The following TRIO variants were observed in gnomAD, a reference collection of about 807,000 sequenced individuals.
TRIO encodes the protein triple functional domain protein.
A neutral mutation model predicts 351.9 loss-of-function variants in TRIO; 58 were observed. That is an observed-to-expected ratio of 0.16 (90% CI 0.13 to 0.21). The LOEUF is 0.21. Ranked by LOEUF, TRIO falls within the 10% of genes least tolerant of loss-of-function variation. The pLI is 1.00. For missense variants in TRIO, 3,201 were observed against 4,027.8 expected (o/e 0.79, Z 5.56); for synonymous variants, 1,758 against 1,595.7 (o/e 1.10, Z -2.42).
chr5:14,292,450 T>C (rs1280667100), intron 5 of TRIO, among the ~76,000 whole-genome samples: 1 of 152,256 alleles, frequency 6.6e-6, no homozygotes, highest in East Asian at 1.9e-4. Flanking sequence ...AACATCTATA[T>C]TGAACCTTAA....
intron 13 of TRIO, among the ~76,000 whole-genome samples, chr5:14,363,387 A>G (rs577414927): frequency 5.2e-4 from 79 of 152,228 alleles, no homozygotes; most frequent in African/African-American, 1.8e-3. Context: ...TTTGAACACC[A>G]TTAGGAATAT....
chr5:14,508,372 A>G lies in TRIO; in HGVS notation c.9244A>G (p.Ile3082Val), dbSNP rs1275365657. The G allele has an allele frequency of 1.2e-6, 2 of 1,613,640 alleles. No homozygotes were observed. Among genetic ancestry groups the G allele is most frequent in the African/African-American group, 1.3e-5 (1 of 75,058 alleles). ...RRKHQNDVRP[I>V]RSIKNFLQSR... ...CAAACACCAGAATGATGTTCGACCT[A>G]TCCGTAGCATTAAAAACTTTCTGCA... Residue 3082 changes from isoleucine (I) to valine (V), a missense_variant, in exon 57 of 57, where the codon ATC (isoleucine) becomes GTC (valine). Around this residue, in one of 19 missense-constraint regions of TRIO, gnomAD observed 233 missense variants for 292.6 expected, o/e 0.80. Transcript: ENST00000344204.
chr5:14,350,893 G>A (rs1228837949), intron 11 of TRIO, among the ~76,000 whole-genome samples: 1 of 152,118 alleles, frequency 6.6e-6, no homozygotes, highest in Non-Finnish European at 1.5e-5. Flanking sequence ...TGGTTTTAGG[G>A]TGAAACTGAT....
chr5:14,308,497 G>A (rs567744544), intron 8 of TRIO, among the ~76,000 whole-genome samples: 4 of 143,894 alleles, frequency 2.8e-5, no homozygotes, highest in Admixed American at 6.9e-5. Context: ...CCACCCATCC[G>A]TCCATCCATC....
chr5:14,250,070 A>G (rs1386502244), intron 1 of TRIO, among the ~76,000 whole-genome samples: 1 of 152,196 alleles, frequency 6.6e-6, no homozygotes, highest in Non-Finnish European at 1.5e-5. Context: ...AGCATGTTTT[A>G]TTTTTGACAC....
At chr5:14,459,248 G>A (rs1262362061) in intron 34 of TRIO, among the ~76,000 whole-genome samples, 1 of 152,216 alleles carries the variant, frequency 6.6e-6, no homozygotes, top group African/African-American at 2.4e-5. Flanking sequence ...TGCCAACTCT[G>A]CTCCTGTAAT....
chr5:14,430,186 CTTTTT>C (rs201941288), intron 34 of TRIO, among the ~76,000 whole-genome samples: 4 of 90,686 alleles, frequency 4.4e-5, no homozygotes, highest in African/African-American at 1.8e-4. Flanking sequence ...TATTTGCGTG[CTTTTT>C]TTTTTAATTT....
chr5:14,278,078 G>A (rs1177869300), intron 2 of TRIO, among the ~76,000 whole-genome samples: 1 of 152,166 alleles, frequency 6.6e-6, no homozygotes, highest in African/African-American at 2.4e-5. Flanking sequence ...GTGTCTATAA[G>A]CTTTTCTTAG....
intron 1 of TRIO, among the ~76,000 whole-genome samples, chr5:14,226,485 G>A (rs187949033): frequency 1.3e-5 from 2 of 152,220 alleles, no homozygotes; most frequent in African/African-American, 4.8e-5. Context: ...TTTTACTTAC[G>A]GAGCCTCAAG....
intron 1 of TRIO, among the ~76,000 whole-genome samples, chr5:14,170,416 T>C (rs1185258355): frequency 6.6e-6 from 1 of 152,178 alleles, no homozygotes; most frequent in Admixed American, 6.5e-5. Context: ...TTAACTTTTA[T>C]TTAAAACAAT....
At chr5:14,491,993 G>T (rs1462286465) in intron 48 of TRIO, among the ~76,000 whole-genome samples, 1 of 152,142 alleles carries the variant, frequency 6.6e-6, no homozygotes, top group African/African-American at 2.4e-5. Flanking sequence ...TTACGTTCAG[G>T]GGTTCCATGT....
chr5:14,439,750 A>G (rs1751875070), intron 34 of TRIO, among the ~76,000 whole-genome samples: 2 of 152,214 alleles, frequency 1.3e-5, no homozygotes, highest in African/African-American at 2.4e-5. Context: ...TTTAAAGGGA[A>G]AAACAACCTT....
Position 14,497,944 on chromosome 5 carries a change from T to G in TRIO, c.8047+70T>G. 6.2e-7 allele frequency: 1 copy of G among 1,611,406 alleles called. No individual in the cohort carries two copies. The highest frequency in any genetic ancestry group is 8.5e-7 in the Non-Finnish European group (1 of 1,177,588). On this transcript the variant is annotated intron_variant, in intron 51 of 56. Coordinates refer to ENST00000344204, the MANE Select transcript of TRIO (RefSeq NM_007118.4). This position sits in a 1 kb window ranked among gnomAD's most constrained non-coding sequence, Gnocchi z 4.4. ...CCTGTGGGGCATGTTTCAGAGCACT[T>G]GAGTGTGGCCTCTGGAAATGAGTTT...
At chr5:14,419,731 A>G (rs1342304268) in intron 33 of TRIO, 47 bp from the exon 34 acceptor site, 6 of 1,600,984 alleles carry the variant, frequency 3.7e-6, no homozygotes, top group Non-Finnish European at 3.4e-6. Flanking sequence ...TGAAGGCACC[A>G]TGGCTCACAC....
At chr5:14,154,238 G>C (rs1006017849) in intron 1 of TRIO, among the ~76,000 whole-genome samples, 2 of 152,106 alleles carry the variant, frequency 1.3e-5, no homozygotes, top group African/African-American at 4.8e-5. Context: ...GGAAGGGCGG[G>C]GAGAGGCTGG....
intron 55 of TRIO, among the ~76,000 whole-genome samples, chr5:14,506,676 AGT>A (rs1757709985): frequency 6.6e-6 from 1 of 151,408 alleles, no homozygotes; most frequent in African/African-American, 2.4e-5. Flanking sequence ...CTGAGCACTC[AGT>A]GTGTCACCTC....
chr5:14,401,915 T>A (rs1280815707), intron 31 of TRIO, among the ~76,000 whole-genome samples: 1 of 152,184 alleles, frequency 6.6e-6, no homozygotes, highest in East Asian at 1.9e-4. Context: ...TTGTGTCTCT[T>A]GCATGCTTTT....
Position 14,421,557 on chromosome 5 carries a change from T to G in TRIO, c.5203+1536T>G, listed in dbSNP as rs1750157661. Among the ~76,000 whole-genome samples, 6 of 144,562 alleles carry G rather than the reference T, an allele frequency of 4.2e-5. No individual in the cohort carries two copies. In the South Asian group the frequency reaches 1.3e-3, roughly 31 times the overall value. 94.8% of individuals were successfully genotyped at this position (144,562 alleles called of 152,430 possible). A position where few individuals can be genotyped will look rare whatever the true frequency, so the allele number is the denominator to read the frequency against. ...AGGCAGAGGTTGTAGGGAGCAGAGATCGCACCATTGCACTCCAGCCTGGGC... is the reference window on the plus strand; with the variant it reads ...AGGCAGAGGTTGTAGGGAGCAGAGAGCGCACCATTGCACTCCAGCCTGGGC... On this transcript the variant is annotated intron_variant, in intron 34 of 56. Transcript: ENST00000344204.
rs1325038563 is a variant in TRIO, at chr5:14,399,061, C to T, written c.4605C>T (p.Ser1535=). The T allele has an allele frequency of 6.2e-7, 1 of 1,613,884 alleles. No individual in the cohort carries two copies. The highest frequency in any genetic ancestry group is 1.7e-5 in the Admixed American group (1 of 60,008). ...GGAGAAGCAAGTACCTTTATAAAAG[C>T]AAATTGTTTGTAAGTATAGGCGTTC... ...SSGRSKYLYK[S]KLFTSELGVT... Residue 1535 remains serine (S), a synonymous_variant, in exon 30 of 57, where the codon AGC becomes AGT. Coordinates refer to ENST00000344204, the MANE Select transcript of TRIO (RefSeq NM_007118.4).
Sources: allele counts gnomAD v4.1 joint callset (sites outside exome capture counted in the v4.1 genomes callset), GRCh38; gene constraint gnomAD v4.1.1; regional missense constraint gnomAD v4.1.1; non-coding constraint Gnocchi (gnomAD v3.1); transcripts MANE v1.5; gene names NCBI Gene and HGNC (gene_info 2026-07-23, HGNC 2026-07-21).